The following NRXN1 variants were observed in gnomAD, a reference collection of about 807,000 sequenced individuals.
NRXN1 encodes neurexin 1.
In NRXN1, 39 loss-of-function variants were observed where a neutral mutation model predicts 150.9. That is an observed-to-expected ratio of 0.26 (90% CI 0.20 to 0.34). NRXN1 has a LOEUF of 0.34. Ranked by LOEUF, NRXN1 falls within the 10% of genes least tolerant of loss-of-function variation. The probability of loss-of-function intolerance (pLI) is 1.00; values close to 1 mark genes in which losing one functional copy is unlikely to be tolerated. For missense variants in NRXN1, 1,815 were observed against 1,949.9 expected, an observed-to-expected ratio of 0.93 and a Z score of 1.30; for synonymous variants, 924 against 757.0, an observed-to-expected ratio of 1.22 and a Z score of -3.62.
chr2:50,377,686 T>C (rs1044972157), intron 17 of NRXN1, among the ~76,000 whole-genome samples: 3 of 152,160 alleles, frequency 2.0e-5, no homozygotes, highest in Non-Finnish European at 4.4e-5. Flanking sequence ...ACCAGTCCAG[T>C]TTGTGTTCTG....
intron 5 of NRXN1, among the ~76,000 whole-genome samples, chr2:50,727,808 CAG>C (rs1697574003): frequency 6.6e-6 from 1 of 152,024 alleles, no homozygotes; most frequent in South Asian, 2.1e-4. Flanking sequence ...GAAGAGGAGA[CAG>C]GGGTTTTGAA....
chr2:50,951,551 G>A (rs988419721), intron 2 of NRXN1, among the ~76,000 whole-genome samples: 4 of 151,910 alleles, frequency 2.6e-5, no homozygotes, highest in Non-Finnish European at 5.9e-5. Context: ...ACCTGGAGGA[G>A]TTTAAAATAT....
chr2:50,533,640 G>A (rs1244848713), intron 10 of NRXN1, among the ~76,000 whole-genome samples: 2 of 152,112 alleles, frequency 1.3e-5, no homozygotes, highest in African/African-American at 4.8e-5. Context: ...CCTCAACCGT[G>A]TTCCTACTTT....
intron 5 of NRXN1, among the ~76,000 whole-genome samples, chr2:50,738,852 T>C (rs898867616): frequency 8.5e-5 from 13 of 152,108 alleles, no homozygotes; most frequent in Admixed American, 7.9e-4. Context: ...GGTTAAAGGG[T>C]AGCATCCTGA....
At chr2:50,721,500 A>T (rs1422199325) in intron 5 of NRXN1, among the ~76,000 whole-genome samples, 1 of 152,178 alleles carries the variant, frequency 6.6e-6, no homozygotes, top group African/African-American at 2.4e-5. Context: ...GAAAACAAGA[A>T]ATCAAGGGCC....
intron 21 of NRXN1, chr2:50,024,261 TTATC>T (rs1687962566): frequency 6.6e-6 from 1 of 152,160 alleles, no homozygotes; most frequent in African/African-American, 2.4e-5. Flanking sequence ...AGACTGAACT[TTATC>T]TAACAAGACC....
chr2:50,460,984 T>C (rs2088145015), intron 17 of NRXN1, among the ~76,000 whole-genome samples: 1 of 152,106 alleles, frequency 6.6e-6, no homozygotes, highest in African/African-American at 2.4e-5. Flanking sequence ...CAACTCTAAA[T>C]GGGAGAGAAG....
intron 21 of NRXN1, among the ~76,000 whole-genome samples, chr2:50,006,333 T>C (rs1573364252): frequency 6.6e-6 from 1 of 152,250 alleles, no homozygotes; most frequent in South Asian, 2.1e-4. Context: ...CATTTTGTAG[T>C]CAGCTGGTGA....
At chr2:50,508,345 G>C (rs1259625748) in intron 12 of NRXN1, among the ~76,000 whole-genome samples, 2 of 151,632 alleles carry the variant, frequency 1.3e-5, no homozygotes, top group East Asian at 3.9e-4. Context: ...TAAATAACTA[G>C]AGAAAGCCTG....
intron 5 of NRXN1, among the ~76,000 whole-genome samples, chr2:50,771,516 T>A (rs1703006962): frequency 6.6e-6 from 1 of 152,030 alleles, no homozygotes; most frequent in Non-Finnish European, 1.5e-5. Context: ...CCAGGTCTAT[T>A]TATTTGAAAG....
chr2:50,947,943 A>G (rs892979742), intron 2 of NRXN1, among the ~76,000 whole-genome samples: 2 of 152,002 alleles, frequency 1.3e-5, no homozygotes, highest in African/African-American at 4.8e-5. Context: ...CAGACAGATA[A>G]TATGGTTCCT....
chr2:50,354,685 T>C (rs36046784), intron 17 of NRXN1, among the ~76,000 whole-genome samples: 5 of 151,284 alleles, frequency 3.3e-5, no homozygotes, highest in Non-Finnish European at 7.4e-5. Context: ...TATGATAATA[T>C]TGTTACATAT....
At chr2:50,367,149 T>G (rs1368751331) in intron 17 of NRXN1, among the ~76,000 whole-genome samples, 1 of 151,886 alleles carries the variant, frequency 6.6e-6, no homozygotes, top group Non-Finnish European at 1.5e-5. Context: ...CAGGAGCCCA[T>G]TAGAAATAAT....
At chr2:50,079,098 T>C (rs1558830531) in intron 19 of NRXN1, among the ~76,000 whole-genome samples, 1 of 152,102 alleles carries the variant, frequency 6.6e-6, no homozygotes, top group Non-Finnish European at 1.5e-5. Flanking sequence ...TCTTTCTTTC[T>C]ATCTGTTCAG....
intron 19 of NRXN1, among the ~76,000 whole-genome samples, chr2:50,087,379 A>C (rs1698940560): frequency 6.6e-6 from 1 of 152,160 alleles, no homozygotes; most frequent in South Asian, 2.1e-4. Context: ...CTTTTGACAC[A>C]CTGTGATAGG....
At chr2:50,047,740 A>C (rs942758606) in intron 21 of NRXN1, among the ~76,000 whole-genome samples, 23 of 150,976 alleles carry the variant, frequency 1.5e-4, no homozygotes, top group African/African-American at 5.4e-4. Context: ...GCAGCCTTTG[A>C]CATCCCACAC....
chr2:50,633,491 T>C (rs1359564310), intron 5 of NRXN1, among the ~76,000 whole-genome samples: 1 of 151,814 alleles, frequency 6.6e-6, no homozygotes, highest in Non-Finnish European at 1.5e-5. Flanking sequence ...ATAGAAGGCT[T>C]GACCAAGGCT....
chr2:50,229,290 T>G (rs2064708990), intron 18 of NRXN1, among the ~76,000 whole-genome samples: 1 of 151,274 alleles, frequency 6.6e-6, no homozygotes, highest in Admixed American at 6.6e-5. Flanking sequence ...TAACCGCTAC[T>G]GCCATGCATT....
intron 22 of NRXN1, among the ~76,000 whole-genome samples, chr2:49,925,034 G>C (rs1439627198): frequency 6.6e-6 from 1 of 152,050 alleles, no homozygotes; most frequent in Non-Finnish European, 1.5e-5. Context: ...GCTCACATCT[G>C]TAATCCCAGC....
Sources: allele counts gnomAD v4.1 joint callset (sites outside exome capture counted in the v4.1 genomes callset), GRCh38; gene constraint gnomAD v4.1.1; transcripts MANE v1.5; gene names NCBI Gene and HGNC (gene_info 2026-07-23, HGNC 2026-07-21).